The following RPA3 variants were observed in gnomAD, a reference collection of about 807,000 sequenced individuals.
The protein encoded by RPA3 is replication protein A3.
In RPA3, 24 loss-of-function variants were observed where a neutral mutation model predicts 13.7. The observed-to-expected ratio is 1.75, with a 90% confidence interval of 1.27 to 2.46. The LOEUF (loss-of-function observed/expected upper bound fraction) is 2.46. RPA3 is among the 30% of genes most tolerant of loss of function. The probability of loss-of-function intolerance (pLI) is 0.00; values close to 1 mark genes in which losing one functional copy is unlikely to be tolerated. For synonymous variants in RPA3, 59 were observed against 51.2 expected (o/e 1.15, Z -0.65); for missense variants, 183 against 151.0 (o/e 1.21, Z -1.11).
At chr7:7,669,686 A>G (rs1779557294) in intron 4 of RPA3, among the ~76,000 whole-genome samples, 1 of 152,202 alleles carries the variant, frequency 6.6e-6, no homozygotes, top group South Asian at 2.1e-4. Flanking sequence ...ACAGAACAAC[A>G]TCTTGAGGTG....
chr7:7,697,295 C>G (rs947784149), intron 2 of RPA3, among the ~76,000 whole-genome samples: 1 of 152,140 alleles, frequency 6.6e-6, no homozygotes, highest in Non-Finnish European at 1.5e-5. Flanking sequence ...TCCCAAATAA[C>G]TGCTTAGTGT....
intron 4 of RPA3, among the ~76,000 whole-genome samples, chr7:7,644,639 G>A (rs4720745): frequency 0.63 from 95,386 of 151,946 alleles, 30,318 homozygotes; most frequent in East Asian, 0.88. Flanking sequence ...TCACCTTTTT[G>A]CCACCTTCAC....
chr7:7,678,499 T>A (rs1779809111), intron 4 of RPA3, among the ~76,000 whole-genome samples: 1 of 140,078 alleles, frequency 7.1e-6, no homozygotes, highest in Non-Finnish European at 1.5e-5. Context: ...TAATATATAT[T>A]TATATATTTA....
intron 4 of RPA3, chr7:7,676,175 C>T (rs1244163726): frequency 1.0e-5 from 4 of 398,522 alleles, no homozygotes; most frequent in East Asian, 3.6e-5. Flanking sequence ...GGGTTGGCTT[C>T]GTGGCTCCAC....
chr7:7,708,762 C>T (rs562955484), intron 2 of RPA3, among the ~76,000 whole-genome samples: 15 of 152,242 alleles, frequency 9.9e-5, no homozygotes, highest in African/African-American at 3.1e-4. Flanking sequence ...ACAGACCCAG[C>T]TTTTCAACAG....
At chr7:7,667,173 G>A (rs1779486746) in intron 4 of RPA3, among the ~76,000 whole-genome samples, 1 of 152,198 alleles carries the variant, frequency 6.6e-6, no homozygotes. Flanking sequence ...GTATTAAGAT[G>A]CATTATAGGT....
chr7:7,703,803 G>A (rs1439925398), intron 2 of RPA3, among the ~76,000 whole-genome samples: 2 of 152,220 alleles, frequency 1.3e-5, no homozygotes, highest in South Asian at 2.1e-4. Context: ...GCCAGGTAAT[G>A]TGGTGGCGTG....
At position 7,640,353 on chromosome 7, in the gene RPA3, G is replaced by A. The variant is rs769708093; in HGVS notation, c.66C>T (p.Asp22=). Residue 22 remains aspartate, a synonymous_variant, in exon 5 of 8, where the codon GAC becomes GAT. Coordinates refer to ENST00000223129, the MANE Select transcript of RPA3 (RefSeq NM_002947.5). ...INAGMLAQFI[D]KPVCFVGRLE... is the part of the protein sequence containing the mutation. ...GCCTCCCTACGAAGCAGACAGGCTT[G>A]TCGATGAATTGAGCTAGCATGCCGG... 6.2e-7 allele frequency: 1 copy of A among 1,614,090 alleles called. No individual in the cohort carries two copies. The highest frequency in any genetic ancestry group is 1.7e-5 in the Admixed American group (1 of 60,024).
At chr7:7,714,943 AAACAAC>A (rs920648661) in intron 2 of RPA3, among the ~76,000 whole-genome samples, 51 of 151,530 alleles carry the variant, frequency 3.4e-4, no homozygotes, top group African/African-American at 9.9e-4. Flanking sequence ...CACTAGAATT[AAACAAC>A]AACAACAACA....
intron 2 of RPA3, among the ~76,000 whole-genome samples, chr7:7,690,741 G>T (rs992388925): frequency 6.6e-6 from 1 of 152,100 alleles, no homozygotes; most frequent in African/African-American, 2.4e-5. Context: ...TACCTTATAT[G>T]AGTTGCCAAA....
intron 2 of RPA3, among the ~76,000 whole-genome samples, chr7:7,703,284 T>G (rs570064562): frequency 7.0e-4 from 107 of 152,318 alleles, no homozygotes; most frequent in Non-Finnish European, 1.3e-3. Flanking sequence ...GTTTCCTGAA[T>G]TATGGAATTC....
intron 4 of RPA3, among the ~76,000 whole-genome samples, chr7:7,661,486 G>A (rs1207972491): frequency 6.6e-6 from 1 of 152,098 alleles, no homozygotes; most frequent in African/African-American, 2.4e-5. Context: ...CCTTTCAGTG[G>A]GGTTTCTGAG....
intron 2 of RPA3, among the ~76,000 whole-genome samples, chr7:7,697,024 T>G (rs983204904): frequency 6.6e-6 from 1 of 152,194 alleles, no homozygotes; most frequent in African/African-American, 2.4e-5. Flanking sequence ...CTGTATAACT[T>G]CTGTCTTAGT....
intron 2 of RPA3, among the ~76,000 whole-genome samples, chr7:7,709,298 A>G (rs746372462): frequency 2.6e-5 from 4 of 152,228 alleles, no homozygotes; most frequent in Non-Finnish European, 4.4e-5. Flanking sequence ...TTCTTTGTAA[A>G]TATGAACATT....
intron 4 of RPA3, among the ~76,000 whole-genome samples, chr7:7,642,869 T>C (rs917822653): frequency 6.6e-6 from 1 of 152,240 alleles, no homozygotes; most frequent in African/African-American, 2.4e-5. Flanking sequence ...TAGGTGGTTT[T>C]ATCACACATG....
chr7:7,673,361 CA>C, intron 4 of RPA3: 2 of 1,257,366 alleles, frequency 1.6e-6, no homozygotes, highest in Non-Finnish European at 2.2e-6. Flanking sequence ...GCAGCAGCAG[CA>C]GCAGCAGCAA....
At chr7:7,708,450 T>TTGATTGACA (rs1780659844) in intron 2 of RPA3, among the ~76,000 whole-genome samples, 1 of 152,216 alleles carries the variant, frequency 6.6e-6, no homozygotes, top group African/African-American at 2.4e-5. Flanking sequence ...CAATCACCCA[T>TTGATTGACA]GTATTTATTA....
chr7:7,648,880 C>T (rs543375997), intron 4 of RPA3, among the ~76,000 whole-genome samples: 1 of 151,474 alleles, frequency 6.6e-6, no homozygotes, highest in Admixed American at 6.6e-5. Context: ...AAAAAAAGGC[C>T]GGGCGCGGTC....
chr7:7,696,333 C>A (rs1780316687), intron 2 of RPA3, among the ~76,000 whole-genome samples: 1 of 150,898 alleles, frequency 6.6e-6, no homozygotes, highest in Non-Finnish European at 1.5e-5. Context: ...CAAATGTGGT[C>A]TGATGGTGAA....
Sources: allele counts gnomAD v4.1 joint callset (sites outside exome capture counted in the v4.1 genomes callset), GRCh38; gene constraint gnomAD v4.1.1; transcripts MANE v1.5; gene names NCBI Gene and HGNC (gene_info 2026-07-23, HGNC 2026-07-21).